EPB41L1: variants seen among roughly 807,000 people sequenced by gnomAD.
EPB41L1 encodes band 4.1-like protein 1.
A neutral mutation model predicts 97.8 loss-of-function variants in EPB41L1; 29 were observed. That is an observed-to-expected ratio of 0.30 (90% CI 0.22 to 0.40). EPB41L1 has a LOEUF of 0.40. EPB41L1 is among the 10% of genes least tolerant of loss of function. EPB41L1 has a pLI of 1.00. For missense variants in EPB41L1, 812 were observed against 1,162.3 expected, an observed-to-expected ratio of 0.70 and a Z score of 4.38; for synonymous variants, 383 against 459.2, an observed-to-expected ratio of 0.83 and a Z score of 2.12.
chr20:36,176,535 G>A (rs1187375209), intron 3 of EPB41L1, among the ~76,000 whole-genome samples: 1 of 152,110 alleles, frequency 6.6e-6, no homozygotes, highest in African/African-American at 2.4e-5. Flanking sequence ...TTTTAGGGAT[G>A]TGGCTTACTC....
rs1182233955 is a variant in EPB41L1, at chr20:36,184,999, T to C, written c.567-118T>C. Reference sequence around the variant, plus strand: ...ATTGTCAATATATGAAGCGCCAATGTCTACAAACACACTTTTCTGCTGAGC... The same window carrying C: ...ATTGTCAATATATGAAGCGCCAATGCCTACAAACACACTTTTCTGCTGAGC... On this transcript the variant is annotated intron_variant, in intron 6 of 21. Coordinates refer to ENST00000338074, the MANE Select transcript of EPB41L1 (RefSeq NM_012156.2). 3.7e-5 allele frequency: 37 copies of C among 1,008,208 alleles called. 1 individual carries two copies. The highest frequency in any genetic ancestry group is 9.5e-5 in the African/African-American group (6 of 63,202). The allele number at this position is 1,008,208 out of a possible 1,614,324, so 62.5% of individuals were successfully genotyped here. A position where few individuals can be genotyped will look rare whatever the true frequency, so the allele number is the denominator to read the frequency against.
chr20:36,168,897 C>A (rs2060853012), intron 1 of EPB41L1, among the ~76,000 whole-genome samples: 1 of 151,946 alleles, frequency 6.6e-6, no homozygotes, highest in African/African-American at 2.4e-5. Context: ...CCTTCACCAT[C>A]CTGAGAGGGA....
chr20:36,201,629 G>C (rs2062502962), intron 14 of EPB41L1, among the ~76,000 whole-genome samples: 1 of 152,212 alleles, frequency 6.6e-6, no homozygotes, highest in Non-Finnish European at 1.5e-5. Context: ...AGTATCCTTA[G>C]GGTTGTAGAG....
At chr20:36,202,667 G>T (rs1458394692) in intron 14 of EPB41L1, among the ~76,000 whole-genome samples, 2 of 150,512 alleles carry the variant, frequency 1.3e-5, no homozygotes, top group South Asian at 2.1e-4. Flanking sequence ...ATAATAATAA[G>T]CTGGGCGTGG....
intron 1 of EPB41L1, among the ~76,000 whole-genome samples, chr20:36,171,608 C>G (rs1421667115): frequency 6.6e-6 from 1 of 152,190 alleles, no homozygotes; most frequent in Non-Finnish European, 1.5e-5. Flanking sequence ...GTTCAGGGCC[C>G]CAGAGCTCTC....
At chr20:36,174,155 A>G (rs971804640) in intron 2 of EPB41L1, among the ~76,000 whole-genome samples, 1 of 152,206 alleles carries the variant, frequency 6.6e-6, no homozygotes, top group African/African-American at 2.4e-5. Flanking sequence ...TCTGTTGCCC[A>G]GGCTGGAGTG....
Position 36,154,984 on chromosome 20 carries a change from C to T in EPB41L1, c.-15+88C>T. 1 of 1,122,912 alleles carries T rather than the reference C, an allele frequency of 8.9e-7. No homozygotes were observed. The highest frequency in any genetic ancestry group is 1.1e-6 in the Non-Finnish European group (1 of 880,698). 69.6% of individuals were successfully genotyped at this position (1,122,912 alleles called of 1,614,324 possible). On this transcript the variant is annotated intron_variant, in intron 1 of 21. Transcript: ENST00000338074. The surrounding 1 kb of genome is among the most constrained non-coding windows in gnomAD (Gnocchi z 5.5). ...CTCCAGCCCTGGGGAGGAACGGGGG[C>T]GAGGCCGAGAACTGAGTTTTCAGGC...
chr20:36,167,227 A>G (rs908798272), intron 1 of EPB41L1, among the ~76,000 whole-genome samples: 1 of 152,210 alleles, frequency 6.6e-6, no homozygotes, highest in Non-Finnish European at 1.5e-5. Flanking sequence ...AGCCTCGCAC[A>G]GTCGAAGAAC....
rs1447598597 is a variant in EPB41L1, at chr20:36,197,967, T to G, written c.1594T>G (p.Trp532Gly). 45 of 1,613,962 alleles carry G rather than the reference T, an allele frequency of 2.8e-5. No homozygotes were observed. The highest frequency in any genetic ancestry group is 3.7e-5 in the Non-Finnish European group (44 of 1,180,020). The change falls in exon 14 of 22, where the codon TGG (tryptophan) becomes GGG (glycine). Residue 532 changes from tryptophan to glycine, a missense_variant. This residue lies in a region of EPB41L1 where 498 missense variants were observed against 622.7 expected (regional missense o/e 0.80). Transcript: ENST00000338074. ...CAAACTCATCCACCGGGATCGAGAC[T>G]GGGAACGGGAGCGCAGGCTGCCCTC... ...NSKLIHRDRDWERERRLPSSP... is the reference protein window; with the variant it reads ...NSKLIHRDRDGERERRLPSSP...
chr20:36,133,330 A>T (rs2059292685), intron 2 of EPB41L1, among the ~76,000 whole-genome samples: 1 of 152,240 alleles, frequency 6.6e-6, no homozygotes, highest in Admixed American at 6.5e-5. Flanking sequence ...TTAGGGAATT[A>T]AGTCAGTAGA....
At chr20:36,218,990 G>A in intron 18 of EPB41L1, 28 bp downstream of exon 18, 1 of 1,609,360 alleles carries the variant, frequency 6.2e-7, no homozygotes, top group East Asian at 2.2e-5. Flanking sequence ...GCTCAGGCTA[G>A]GGGACTCCAC....
At position 36,167,716 on chromosome 20, in the gene EPB41L1, T is replaced by TTAA. The variant is rs747803257; in HGVS notation, c.-14-6032_-14-6030dup. On this transcript the variant is annotated intron_variant, in intron 1 of 21. Coordinates refer to ENST00000338074, the MANE Select transcript of EPB41L1 (RefSeq NM_012156.2). Reference sequence around the variant, plus strand: ...GAGTGAGACTCCATCTCCAATAATATTAATAATAATAATAATAACAATAAT... The same window carrying TTAA: ...GAGTGAGACTCCATCTCCAATAATATTAATAATAATAATAATAATAACAATAAT... Among the ~76,000 whole-genome samples the TTAA allele has an allele frequency of 2.1e-3, 318 of 150,122 alleles. 1 individual carries two copies. Among genetic ancestry groups the TTAA allele is most frequent in the Non-Finnish European group, 3.2e-3 (216 of 67,580 alleles).
intron 21 of EPB41L1, among the ~76,000 whole-genome samples, chr20:36,226,070 A>G (rs1240153610): frequency 6.6e-6 from 1 of 152,150 alleles, no homozygotes; most frequent in Non-Finnish European, 1.5e-5. Flanking sequence ...CTTTACCAGT[A>G]ATTATGGTCA....
At chr20:36,165,734 A>G (rs2060713987) in intron 1 of EPB41L1, among the ~76,000 whole-genome samples, 1 of 152,170 alleles carries the variant, frequency 6.6e-6, no homozygotes, top group Non-Finnish European at 1.5e-5. Flanking sequence ...GACCTGCCCA[A>G]AGCTGATCAG....
intron 19 of EPB41L1, among the ~76,000 whole-genome samples, chr20:36,220,532 GA>G (rs2063722248): frequency 6.6e-6 from 1 of 152,188 alleles, no homozygotes; most frequent in South Asian, 2.1e-4. Flanking sequence ...AGGGAGATTG[GA>G]AAGCCATGAA....
intron 14 of EPB41L1, 86 bp downstream of exon 14, chr20:36,198,127 A>C: frequency 3.3e-6 from 4 of 1,210,544 alleles, no homozygotes; most frequent in Non-Finnish European, 4.8e-6. Context: ...CATCCTCCAC[A>C]CCAATATGCT....
Position 36,232,609 on chromosome 20 carries a change from C to T in EPB41L1, c.*3269C>T, listed in dbSNP as rs1275458984. ...CTGAAACTGCATGAGCAACATCACT[C>T]GAAATAATTTTTTTTTTCAAAAGCA... On this transcript the variant is annotated 3_prime_UTR_variant, in exon 22 of 22. Coordinates refer to ENST00000338074, the MANE Select transcript of EPB41L1 (RefSeq NM_012156.2). 6 of 398,852 alleles carry T rather than the reference C, an allele frequency of 1.5e-5. No individual in the cohort carries two copies. The East Asian group carries it at 1.8e-4, about 12-fold the overall frequency. The allele number at this position is 398,852 out of a possible 1,614,324, so 24.7% of individuals were successfully genotyped here.
At chr20:36,170,901 C>T (rs545440268) in intron 1 of EPB41L1, among the ~76,000 whole-genome samples, 2 of 152,242 alleles carry the variant, frequency 1.3e-5, no homozygotes, top group East Asian at 1.9e-4. Context: ...TTGCTGCCAG[C>T]GGGCTCTGCT....
At chr20:36,147,239 C>G (rs1412315076) in intron 2 of EPB41L1, among the ~76,000 whole-genome samples, 1 of 152,036 alleles carries the variant, frequency 6.6e-6, no homozygotes, top group East Asian at 1.9e-4. Context: ...TATTTTACAT[C>G]CTGAAAATCT....
Sources: allele counts gnomAD v4.1 joint callset (sites outside exome capture counted in the v4.1 genomes callset), GRCh38; gene constraint gnomAD v4.1.1; regional missense constraint gnomAD v4.1.1; non-coding constraint Gnocchi (gnomAD v3.1); transcripts MANE v1.5; gene names NCBI Gene and HGNC (gene_info 2026-07-23, HGNC 2026-07-21).